The following GALNT13 variants were observed in gnomAD, a reference collection of about 807,000 sequenced individuals.
The protein encoded by GALNT13 is polypeptide N-acetylgalactosaminyltransferase 13.
A neutral mutation model predicts 64.2 loss-of-function variants in GALNT13; 28 were observed. That is an observed-to-expected ratio of 0.44 (90% CI 0.32 to 0.60). The LOEUF (loss-of-function observed/expected upper bound fraction) is 0.60, where lower values mean the gene tolerates loss of function less well. Among genes scored for constraint, GALNT13 ranks in the 20% least tolerant of loss-of-function variants. The probability of loss-of-function intolerance (pLI) is 0.05; values close to 1 mark genes in which losing one functional copy is unlikely to be tolerated. For missense variants in GALNT13, 577 were observed against 669.8 expected, an observed-to-expected ratio of 0.86 and a Z score of 1.53; for synonymous variants, 214 against 224.6, an observed-to-expected ratio of 0.95 and a Z score of 0.42.
intron 4 of GALNT13, among the ~76,000 whole-genome samples, chr2:154,215,851 G>A (rs1216854856): frequency 6.6e-6 from 1 of 152,054 alleles, no homozygotes; most frequent in Non-Finnish European, 1.5e-5. Flanking sequence ...TTCAATGGGA[G>A]CAGGTTAGAA....
intron 3 of GALNT13, among the ~76,000 whole-genome samples, chr2:154,079,016 A>G (rs1701131676): frequency 6.6e-6 from 1 of 151,674 alleles, no homozygotes; most frequent in Non-Finnish European, 1.5e-5. Context: ...TATCATTTCA[A>G]GATAATTTCC....
chr2:153,174,471 T>A, the GALNT13 span, among the ~76,000 whole-genome samples: 1 of 151,208 alleles, frequency 6.6e-6, no homozygotes, highest in Non-Finnish European at 1.5e-5. Context: ...TTTTCTATTT[T>A]TTTTTTTTTT....
the GALNT13 span, among the ~76,000 whole-genome samples, chr2:153,866,255 T>C: frequency 3.4e-5 from 5 of 147,820 alleles, no homozygotes; most frequent in Non-Finnish European, 7.5e-5. Flanking sequence ...GGCACATGTA[T>C]ACATATGTAA....
chr2:153,866,794 T>C, the GALNT13 span, among the ~76,000 whole-genome samples: 3 of 152,236 alleles, frequency 2.0e-5, no homozygotes, highest in African/African-American at 7.2e-5. Context: ...TTACTGATTG[T>C]GACATTTTAA....
chr2:153,085,722 TG>T, the GALNT13 span, among the ~76,000 whole-genome samples: 5 of 152,116 alleles, frequency 3.3e-5, no homozygotes, highest in African/African-American at 1.2e-4. Flanking sequence ...GAACCTCTGC[TG>T]GGGCAGTACA....
At chr2:154,061,521 A>G (rs1700183685) in intron 3 of GALNT13, among the ~76,000 whole-genome samples, 1 of 152,200 alleles carries the variant, frequency 6.6e-6, no homozygotes, top group Non-Finnish European at 1.5e-5. Context: ...AAAAATAAAC[A>G]TGGAATGCTC....
the GALNT13 span, among the ~76,000 whole-genome samples, chr2:153,687,665 C>A: frequency 6.6e-6 from 1 of 151,912 alleles, no homozygotes; most frequent in Admixed American, 6.6e-5. Context: ...TTTAATAAAT[C>A]TATGATCCTG....
chr2:153,160,299 G>T, the GALNT13 span, among the ~76,000 whole-genome samples: 22 of 152,306 alleles, frequency 1.4e-4, no homozygotes, highest in Non-Finnish European at 2.1e-4. Flanking sequence ...TGATGAACAA[G>T]ATCAGCAGGG....
chr2:154,378,720 A>T (rs961877463), intron 9 of GALNT13, among the ~76,000 whole-genome samples: 8 of 152,028 alleles, frequency 5.3e-5, no homozygotes, highest in Non-Finnish European at 1.0e-4. Context: ...TTTTTTTTAA[A>T]TTTCACATAT....
At chr2:153,369,493 A>C in the GALNT13 span, among the ~76,000 whole-genome samples, 1 of 152,172 alleles carries the variant, frequency 6.6e-6, no homozygotes, top group Admixed American at 6.5e-5. Flanking sequence ...CAGACATATT[A>C]ATCTTAGAAA....
chr2:153,399,053 T>G, the GALNT13 span, among the ~76,000 whole-genome samples: 5 of 129,558 alleles, frequency 3.9e-5, no homozygotes, highest in African/African-American at 1.5e-4. Flanking sequence ...TTTTATGGTT[T>G]TAGGTCTAAC....
At chr2:153,720,000 T>TG in the GALNT13 span, among the ~76,000 whole-genome samples, 1 of 151,546 alleles carries the variant, frequency 6.6e-6, no homozygotes, top group East Asian at 2.0e-4. Context: ...GCTCCACCTC[T>TG]GGGGGCAGGG....
the GALNT13 span, among the ~76,000 whole-genome samples, chr2:153,488,930 G>C: frequency 1.8e-3 from 274 of 152,334 alleles, 5 homozygotes; most frequent in Admixed American, 0.016. Context: ...TCTGCTGTGT[G>C]AGGACATAGC....
chr2:154,333,877 TG>T (rs2105202094), intron 9 of GALNT13, among the ~76,000 whole-genome samples: 1 of 152,220 alleles, frequency 6.6e-6, no homozygotes, highest in South Asian at 2.1e-4. Flanking sequence ...ACTAGGCTTT[TG>T]TTTTTAACAA....
chr2:153,913,421 T>C lies in GALNT13; in HGVS notation c.-105+12414T>C, dbSNP rs138142085. ...TCCTGTCTCATGGGCAAAACAGCCC[T>C]TCAGAGTTCAGGTTGGACAGTTCCC... On this transcript the variant is annotated intron_variant, in intron 2 of 12. Transcript: ENST00000392825. 4.0e-3 allele frequency among the ~76,000 whole-genome samples: 615 copies of C among 152,230 alleles called. 3 individuals are homozygous for C. The highest frequency in any genetic ancestry group is 0.014 in the African/African-American group (588 of 41,534).
chr2:154,165,253 C>T (rs1684963272), intron 4 of GALNT13, among the ~76,000 whole-genome samples: 1 of 152,112 alleles, frequency 6.6e-6, no homozygotes, highest in Non-Finnish European at 1.5e-5. Context: ...GGAACTTTTA[C>T]CTCCTTCACT....
At chr2:153,762,905 T>C in the GALNT13 span, among the ~76,000 whole-genome samples, 5 of 151,750 alleles carry the variant, frequency 3.3e-5, no homozygotes, top group Non-Finnish European at 7.4e-5. Context: ...AAAAATCTAG[T>C]ACAGATATTT....
the GALNT13 span, among the ~76,000 whole-genome samples, chr2:153,105,198 G>A: frequency 3.3e-5 from 5 of 151,124 alleles, no homozygotes; most frequent in Non-Finnish European, 7.4e-5. Flanking sequence ...TTCATCCCTG[G>A]GATGCAAGGC....
the GALNT13 span, among the ~76,000 whole-genome samples, chr2:153,175,156 T>A: frequency 6.6e-6 from 1 of 152,204 alleles, no homozygotes; most frequent in East Asian, 1.9e-4. Context: ...TTTAGCTATG[T>A]GTTCACCTAA....
Sources: gnomAD v4.1 joint callset for allele counts (sites outside exome capture counted in the v4.1 genomes callset) on GRCh38, gnomAD v4.1.1 for gene constraint, MANE v1.5 for transcripts, NCBI Gene and HGNC (gene_info 2026-07-23, HGNC 2026-07-21) for gene names.